Variants in ATP6V0D1 observed in about 807,000 individuals in gnomAD.
ATP6V0D1 encodes ATPase H+ transporting V0 subunit d1, also known as V-type proton ATPase subunit d 1.
In ATP6V0D1, 13 loss-of-function variants were observed where a neutral mutation model predicts 39.0. The observed-to-expected ratio is 0.33, with a 90% confidence interval of 0.22 to 0.53. ATP6V0D1 has a LOEUF of 0.53. Ranked by LOEUF, ATP6V0D1 falls within the 20% of genes least tolerant of loss-of-function variation. ATP6V0D1 has a pLI of 0.94. For synonymous variants in ATP6V0D1, 191 were observed against 191.2 expected (o/e 1.00, Z 0.01); for missense variants, 272 against 470.9 (o/e 0.58, Z 3.91).
chr16:67,443,186 G>A lies in ATP6V0D1; in HGVS notation c.482-8C>T. 6.2e-7 allele frequency: 1 copy of A among 1,613,904 alleles called. No homozygotes were observed. Among genetic ancestry groups the A allele is most frequent in the Non-Finnish European group, 8.5e-7 (1 of 1,179,926 alleles). On this transcript the variant is annotated splice_polypyrimidine_tract_variant and splice_region_variant and intron_variant, in intron 3 of 7. Transcript: ENST00000290949. ...AGTCCTGGAAAAAAGCCGCTGGGGAGGAAACATGGTTTGAGGGGTGGGCAG... is the reference window on the plus strand; with the variant it reads ...AGTCCTGGAAAAAAGCCGCTGGGGAAGAAACATGGTTTGAGGGGTGGGCAG...
At chr16:67,475,866 AC>A (rs2041410211) in intron 1 of ATP6V0D1, among the ~76,000 whole-genome samples, 1 of 152,252 alleles carries the variant, frequency 6.6e-6, no homozygotes. Flanking sequence ...AATACAAAGA[AC>A]CAAGTCTCCT....
chr16:67,440,209 G>C (rs1466816629), intron 4 of ATP6V0D1: 1 of 152,292 alleles, frequency 6.6e-6, no homozygotes, highest in Non-Finnish European at 1.5e-5. Context: ...GCCAGTTCCT[G>C]CTGAGGGATG....
At position 67,447,601 on chromosome 16, in the gene ATP6V0D1, A is replaced by T. The variant is rs2041132430; in HGVS notation, c.303-2895T>A. Among the ~76,000 whole-genome samples the T allele has an allele frequency of 6.6e-6, 1 of 151,834 alleles. No homozygotes were observed. Among genetic ancestry groups the T allele is most frequent in the Non-Finnish European group, 1.5e-5 (1 of 67,906 alleles). On this transcript the variant is annotated intron_variant, in intron 2 of 7. Transcript: ENST00000290949. The surrounding 1 kb of genome is among the most constrained non-coding windows in gnomAD (Gnocchi z 4.1). ...GGGCCGGCTGCCCGCCAGGCCAAAG[A>T]GGCCCTTGTGGGGTGGGGGTGGGGC... is the stretch of plus-strand genomic sequence containing the variant.
intron 1 of ATP6V0D1, among the ~76,000 whole-genome samples, chr16:67,468,163 T>C (rs898184679): frequency 1.3e-5 from 2 of 152,012 alleles, no homozygotes; most frequent in African/African-American, 4.8e-5. Flanking sequence ...TGGTAACACA[T>C]GCCTGTACTC....
chr16:67,467,203 C>G (rs2041337609), intron 1 of ATP6V0D1, among the ~76,000 whole-genome samples: 1 of 152,192 alleles, frequency 6.6e-6, no homozygotes, highest in South Asian at 2.1e-4. Context: ...TAGTACTCAG[C>G]CAGTGCCAGT....
At chr16:67,462,957 A>T (rs2041300742) in intron 1 of ATP6V0D1, among the ~76,000 whole-genome samples, 1 of 152,112 alleles carries the variant, frequency 6.6e-6, no homozygotes, top group African/African-American at 2.4e-5. Context: ...CTTCAGAAGG[A>T]CACGAAGGAA....
intron 1 of ATP6V0D1, among the ~76,000 whole-genome samples, chr16:67,478,613 C>CA (rs1292018624): frequency 0.041 from 2,091 of 51,310 alleles, 32 homozygotes; most frequent in Non-Finnish European, 0.045. Context: ...GACTCTGTCT[C>CA]AAAAAAAAAA....
At chr16:67,451,508 G>A (rs2041180444) in intron 2 of ATP6V0D1, among the ~76,000 whole-genome samples, 1 of 152,216 alleles carries the variant, frequency 6.6e-6, no homozygotes, top group Non-Finnish European at 1.5e-5. Flanking sequence ...CAGGGGTGGA[G>A]CAGTTCCAGG....
intron 1 of ATP6V0D1, among the ~76,000 whole-genome samples, chr16:67,478,287 G>A (rs2041432862): frequency 6.6e-6 from 1 of 152,182 alleles, no homozygotes; most frequent in African/African-American, 2.4e-5. Flanking sequence ...GTGCTGGAGG[G>A]ATGGCTTGCA....
At chr16:67,475,649 A>G (rs953984508) in intron 1 of ATP6V0D1, among the ~76,000 whole-genome samples, 2 of 152,214 alleles carry the variant, frequency 1.3e-5, no homozygotes, top group African/African-American at 4.8e-5. Context: ...TAGAGCTCCT[A>G]TTCCAAATTA....
At chr16:67,466,326 T>TACACACACACACACACAC (rs536624557) in intron 1 of ATP6V0D1, among the ~76,000 whole-genome samples, 1 of 120,504 alleles carries the variant, frequency 8.3e-6, no homozygotes, top group African/African-American at 3.2e-5. Context: ...AGTAAACACA[T>TACACACACACACACACAC]ACACACACAC....
intron 1 of ATP6V0D1, among the ~76,000 whole-genome samples, chr16:67,469,904 G>A (rs35430428): frequency 0.012 from 1,755 of 152,200 alleles, 22 homozygotes; most frequent in Middle Eastern, 0.065. Flanking sequence ...ACAACTTGGC[G>A]CCTATGCTTC....
At chr16:67,475,184 C>T (rs758322953) in intron 1 of ATP6V0D1, among the ~76,000 whole-genome samples, 15 of 152,184 alleles carry the variant, frequency 9.9e-5, no homozygotes, top group Non-Finnish European at 1.2e-4. Context: ...ATGGTTTTTA[C>T]GATCCTTCTA....
chr16:67,453,818 T>C lies in ATP6V0D1; in HGVS notation c.131-103A>G. The C allele has an allele frequency of 8.7e-7, 1 of 1,144,100 alleles. No individual in the cohort carries two copies. The highest frequency in any genetic ancestry group is 2.0e-5 in the Admixed American group (1 of 51,250). 70.9% of individuals were successfully genotyped at this position (1,144,100 alleles called of 1,614,324 possible). On this transcript the variant is annotated intron_variant, in intron 1 of 7. Coordinates refer to ENST00000290949, the MANE Select transcript of ATP6V0D1 (RefSeq NM_004691.5). The surrounding 1 kb of genome is among the most constrained non-coding windows in gnomAD (Gnocchi z 4.1). ...ACTCAGCCCCAGCTCTCCCCTGCAG[T>C]TGTGTCCCGCTACTACCCTGATCTC...
At chr16:67,467,183 C>T (rs919239486) in intron 1 of ATP6V0D1, among the ~76,000 whole-genome samples, 3 of 152,182 alleles carry the variant, frequency 2.0e-5, no homozygotes, top group African/African-American at 7.2e-5. Flanking sequence ...TCCCCCACAC[C>T]CCCAAAGCCT....
chr16:67,478,142 C>G (rs2041431820), intron 1 of ATP6V0D1, among the ~76,000 whole-genome samples: 1 of 152,174 alleles, frequency 6.6e-6, no homozygotes, highest in African/African-American at 2.4e-5. Flanking sequence ...GAGATAGGTG[C>G]TGTTAATACA....
At chr16:67,446,891 C>A (rs532640470) in intron 2 of ATP6V0D1, among the ~76,000 whole-genome samples, 1 of 152,172 alleles carries the variant, frequency 6.6e-6, no homozygotes, top group Non-Finnish European at 1.5e-5. Flanking sequence ...ACCAGCCCCA[C>A]TGTCAGAGCA....
At chr16:67,470,836 A>C (rs912944390) in intron 1 of ATP6V0D1, among the ~76,000 whole-genome samples, 1 of 151,864 alleles carries the variant, frequency 6.6e-6, no homozygotes, top group African/African-American at 2.4e-5. Flanking sequence ...CAGCAGCCTG[A>C]CTTCTAACCC....
In ATP6V0D1 at chr16:67,447,349, C is replaced by A. The variant is rs2041128842; in HGVS notation, c.303-2643G>T. Among the ~76,000 whole-genome samples, 1 of 152,234 alleles carries A rather than the reference C, an allele frequency of 6.6e-6. No individual in the cohort carries two copies. Among genetic ancestry groups the A allele is most frequent in the Admixed American group, 6.5e-5 (1 of 15,288 alleles). ...CTTTTTCAGGAGATGAGAGGCTGGA[C>A]AGGCCTGGCAGAGATAAGGCTGGCC... On this transcript the variant is annotated intron_variant, in intron 2 of 7. Coordinates refer to ENST00000290949, the MANE Select transcript of ATP6V0D1 (RefSeq NM_004691.5). The surrounding 1 kb of genome is among the most constrained non-coding windows in gnomAD (Gnocchi z 4.1).
Sources: allele counts gnomAD v4.1 joint callset (sites outside exome capture counted in the v4.1 genomes callset), GRCh38; gene constraint gnomAD v4.1.1; non-coding constraint Gnocchi (gnomAD v3.1); transcripts MANE v1.5; gene names NCBI Gene and HGNC (gene_info 2026-07-23, HGNC 2026-07-21).